Variants in KAZN observed in about 807,000 individuals in gnomAD.
KAZN encodes the protein kazrin.
A neutral mutation model predicts 87.4 loss-of-function variants in KAZN; 40 were observed. That is an observed-to-expected ratio of 0.46 (90% CI 0.36 to 0.60). KAZN has a LOEUF of 0.60. Ranked by LOEUF, KAZN falls within the 20% of genes least tolerant of loss-of-function variation. The pLI, the probability that KAZN is intolerant of heterozygous loss-of-function variation, is 0.00. For synonymous variants in KAZN, 466 were observed against 458.3 expected (o/e 1.02, Z -0.22); for missense variants, 898 against 1,073.9 (o/e 0.84, Z 2.29).
chr1:14,355,161 A>G (rs1227346344), intron 2 of KAZN, among the ~76,000 whole-genome samples: 1 of 152,198 alleles, frequency 6.6e-6, no homozygotes, highest in Non-Finnish European at 1.5e-5. Context: ...ACAGTGTTAA[A>G]AATCAAGAAA....
At chr1:14,143,321 A>G (rs1645279857) in intron 1 of KAZN, among the ~76,000 whole-genome samples, 3 of 152,176 alleles carry the variant, frequency 2.0e-5, no homozygotes, top group Non-Finnish European at 4.4e-5. Flanking sequence ...GCCTGTTAGG[A>G]AGTCCTCCTC....
intron 1 of KAZN, among the ~76,000 whole-genome samples, chr1:13,946,983 A>G (rs1641171504): frequency 6.6e-6 from 1 of 152,086 alleles, no homozygotes; most frequent in Non-Finnish European, 1.5e-5. Flanking sequence ...TGGGGGGAGA[A>G]TCCGTTCCTT....
chr1:14,322,555 A>G (rs1557638998), intron 2 of KAZN, among the ~76,000 whole-genome samples: 1 of 152,204 alleles, frequency 6.6e-6, no homozygotes, highest in Admixed American at 6.6e-5. Context: ...GAAATGTGAC[A>G]TGCTCCCAGT....
intron 2 of KAZN, among the ~76,000 whole-genome samples, chr1:14,407,897 AT>A (rs1191712478): frequency 6.6e-6 from 1 of 152,038 alleles, no homozygotes; most frequent in Non-Finnish European, 1.5e-5. Flanking sequence ...GGGAAAATTA[AT>A]TTGTTTTTTA....
chr1:14,937,198 C>T (rs1334795301), intron 1 of KAZN, among the ~76,000 whole-genome samples: 1 of 152,220 alleles, frequency 6.6e-6, no homozygotes, highest in East Asian at 1.9e-4. Context: ...GTGAAGATGG[C>T]TCCTCAGCAA....
chr1:14,199,821 C>T (rs1646602880), intron 2 of KAZN, among the ~76,000 whole-genome samples: 1 of 152,102 alleles, frequency 6.6e-6, no homozygotes, highest in Non-Finnish European at 1.5e-5. Flanking sequence ...CTCTGGCTTG[C>T]TCTAATCACA....
At chr1:14,391,733 C>A (rs1008823682) in intron 2 of KAZN, among the ~76,000 whole-genome samples, 2 of 152,162 alleles carry the variant, frequency 1.3e-5, no homozygotes, top group Admixed American at 1.3e-4. Context: ...CATACAGGGG[C>A]CTTGACGTCT....
intron 1 of KAZN, among the ~76,000 whole-genome samples, chr1:14,160,732 G>T (rs1645691792): frequency 6.6e-6 from 1 of 152,132 alleles, no homozygotes; most frequent in African/African-American, 2.4e-5. Context: ...GAATTTGGGG[G>T]TTCACTAAAA....
At position 14,180,299 on chromosome 1, in the gene KAZN, A is replaced by C. The variant is rs138894328; in HGVS notation, c.92-136A>C. The C allele has an allele frequency of 5.5e-3, 3,650 of 669,396 alleles. 18 individuals are homozygous for C. Among genetic ancestry groups the C allele is most frequent in the Middle Eastern group, 0.01 (38 of 3,774 alleles). 41.5% of individuals were successfully genotyped at this position (669,396 alleles called of 1,614,324 possible). A position where few individuals can be genotyped will look rare whatever the true frequency, so the allele number is the denominator to read the frequency against. On this transcript the variant is annotated intron_variant, in intron 1 of 16. Transcript: ENST00000636203. ...ACATGTTTGTTAATGGAATTTATAG[A>C]TGTGTCAAGTTCTTGATACATGCCT...
intron 2 of KAZN, among the ~76,000 whole-genome samples, chr1:14,293,724 C>G (rs1653897911): frequency 6.6e-6 from 1 of 152,020 alleles, no homozygotes; most frequent in Non-Finnish European, 1.5e-5. Context: ...TTGTTGGGGT[C>G]TCCAAGCTCA....
At position 14,020,040 on chromosome 1, in the gene KAZN, T is replaced by G. The variant is rs527962487; in HGVS notation, c.91+126284T>G. 2.0e-5 allele frequency among the ~76,000 whole-genome samples: 3 copies of G among 149,492 alleles called. No individual in the cohort carries two copies. In the South Asian group the frequency reaches 6.4e-4, roughly 32 times the overall value. On this transcript the variant is annotated intron_variant, in intron 1 of 16. Transcript: ENST00000636203. ...GCAACTAGATGGTCCCATCTGGGGG[T>G]GATGGGAGACAGTGACAGATCATCA...
intron 1 of KAZN, among the ~76,000 whole-genome samples, chr1:14,743,845 A>C (rs1572376197): frequency 6.6e-6 from 1 of 152,140 alleles, no homozygotes; most frequent in Non-Finnish European, 1.5e-5. Flanking sequence ...CTTATGGCCA[A>C]GAGATTGGAA....
At chr1:15,044,185 G>T (rs761957612) in intron 4 of KAZN, 26 bp downstream of exon 4, 32 of 1,556,076 alleles carry the variant, frequency 2.1e-5, no homozygotes, top group Non-Finnish European at 2.8e-5. Context: ...ACCCAGGTGG[G>T]CCTGGCATCT....
chr1:14,107,519 T>C (rs1403453609), intron 1 of KAZN, among the ~76,000 whole-genome samples: 1 of 152,150 alleles, frequency 6.6e-6, no homozygotes, highest in South Asian at 2.1e-4. Flanking sequence ...TGAACACATT[T>C]AAGGGACTAG....
chr1:13,910,549 G>C (rs1013260080), intron 1 of KAZN, among the ~76,000 whole-genome samples: 1 of 150,806 alleles, frequency 6.6e-6, no homozygotes. Flanking sequence ...CCTTGCTCCT[G>C]CTTCACCATA....
chr1:14,028,932 A>C (rs868746037), intron 1 of KAZN, among the ~76,000 whole-genome samples: 57 of 152,338 alleles, frequency 3.7e-4, no homozygotes, highest in Middle Eastern at 6.8e-3. Flanking sequence ...CGCAATAAAC[A>C]TACTTGTGCA....
At position 14,419,788 on chromosome 1, in the gene KAZN, G is replaced by A. The variant is rs144689148; in HGVS notation, c.250-179195G>A. ...GTGTTGTTTGTCCCTCCCATCCGGA[G>A]TTGTTCATTCCTCCCGGTGGGTTCG... On this transcript the variant is annotated intron_variant, in intron 2 of 16. Transcript: ENST00000636203. 4.8e-3 allele frequency among the ~76,000 whole-genome samples: 729 copies of A among 152,184 alleles called. 4 individuals are homozygous for A. The highest frequency in any genetic ancestry group is 0.02 in the Middle Eastern group (6 of 294).
rs572591765 is a variant in KAZN, at chr1:14,626,668, C to G, written c.226+27445C>G. On this transcript the variant is annotated intron_variant, in intron 1 of 14. Coordinates refer to ENST00000376030, the MANE Select transcript of KAZN (RefSeq NM_201628.3). ...TTCTGAACACCACCTCGGTGGTTCT[C>G]TGTGGTTCCAGATCCAGCCTCAACT... Among the ~76,000 whole-genome samples, 5 of 152,320 alleles carry G rather than the reference C, an allele frequency of 3.3e-5. No individual in the cohort carries two copies. The South Asian group carries it at 1.0e-3, about 32-fold the overall frequency.
Position 14,963,446 on chromosome 1 carries a change from G to A in KAZN, c.418+2571G>A, listed in dbSNP as rs534291852. On this transcript the variant is annotated intron_variant, in intron 2 of 14. Coordinates refer to ENST00000376030, the MANE Select transcript of KAZN (RefSeq NM_201628.3). ...AGACTTTTTCCCACTGCACAGACACGCCTCATCTTCCCTCTGGGTATGGTC... is the reference window on the plus strand; with the variant it reads ...AGACTTTTTCCCACTGCACAGACACACCTCATCTTCCCTCTGGGTATGGTC... Among the ~76,000 whole-genome samples the A allele has an allele frequency of 1.4e-4, 22 of 152,284 alleles. No homozygotes were observed. The South Asian group carries it at 4.1e-3, about 29-fold the overall frequency.
Sources: gnomAD v4.1 joint callset for allele counts (sites outside exome capture counted in the v4.1 genomes callset) on GRCh38, gnomAD v4.1.1 for gene constraint, MANE v1.5 for transcripts, NCBI Gene and HGNC (gene_info 2026-07-23, HGNC 2026-07-21) for gene names.